Variants in POLN observed in about 807,000 individuals in gnomAD.
POLN encodes DNA polymerase nu.
POLN carries 108 observed loss-of-function variants against 113.5 expected under a neutral mutation model. The ratio of observed to expected loss-of-function variants is 0.95; its 90% CI spans 0.81 to 1.12. The LOEUF is 1.12. Among genes scored for constraint, POLN ranks in the 50% most tolerant of loss-of-function variants. The pLI is 0.00. For synonymous variants in POLN, 386 were observed against 391.5 expected, an observed-to-expected ratio of 0.99 and a Z score of 0.17; for missense variants, 1,097 against 1,077.1, an observed-to-expected ratio of 1.02 and a Z score of -0.26.
chr4:2,104,919 A>C (rs1228620719), intron 19 of POLN, among the ~76,000 whole-genome samples: 4 of 152,220 alleles, frequency 2.6e-5, no homozygotes, highest in Non-Finnish European at 5.9e-5. Flanking sequence ...AGGGAATCAG[A>C]CTGGCTCCCT....
chr4:2,177,242 C>T (rs1470007645), intron 8 of POLN: 1 of 463,996 alleles, frequency 2.2e-6, no homozygotes, highest in South Asian at 1.6e-5. Context: ...TGGTATGGCA[C>T]AGCTGCACGA....
At chr4:2,082,579 C>T (rs1216096131) in intron 21 of POLN, 1 of 152,226 alleles carries the variant, frequency 6.6e-6, no homozygotes, top group East Asian at 1.9e-4. Flanking sequence ...TCTGCTTTAA[C>T]TAGGTGTGGG....
Position 2,170,675 on chromosome 4 carries a change from T to G in POLN, c.1554+4A>C. 6.2e-7 allele frequency: 1 copy of G among 1,609,914 alleles called. No homozygotes were observed. Among genetic ancestry groups the G allele is most frequent in the Non-Finnish European group, 8.5e-7 (1 of 1,176,352 alleles). On this transcript the variant is annotated splice_donor_region_variant and intron_variant, in intron 13 of 25. Transcript: ENST00000511885. ...AAAGAAAAAGGATAACTCTGAAACC[T>G]TACCACTGCTTCTGATGTAGACGGG...
At chr4:2,188,427 C>T (rs1249988143) in intron 7 of POLN, among the ~76,000 whole-genome samples, 1 of 152,048 alleles carries the variant, frequency 6.6e-6, no homozygotes, top group African/African-American at 2.4e-5. Context: ...AGTGAAACCC[C>T]ATCTCTACTA....
intron 23 of POLN, chr4:2,078,569 C>G (rs866817154): frequency 1.0e-6 from 1 of 985,116 alleles, no homozygotes. Flanking sequence ...GTGTGCCTCC[C>G]AGTGATCGAG....
At chr4:2,182,335 G>T (rs968543087) in intron 7 of POLN, among the ~76,000 whole-genome samples, 13 of 152,304 alleles carry the variant, frequency 8.5e-5, no homozygotes, top group Non-Finnish European at 1.9e-4. Context: ...CCAATGATGG[G>T]TGTCCTTATG....
chr4:2,081,665 G>C lies in POLN; in HGVS notation c.2276C>G (p.Ala759Gly). Residue 759 changes from alanine to glycine, a missense_variant, in exon 22 of 26, where the codon GCA (alanine) becomes GGA (glycine). Transcript: ENST00000511885. ...HAHDQQLRAQ[A>G]ERQAVNFVVQ... ...CACGAAGTTCACTGCCTGTCGCTCTGCTTGTGCCCGGAGTTGCTGGTCATG... is the reference window on the plus strand; with the variant it reads ...CACGAAGTTCACTGCCTGTCGCTCTCCTTGTGCCCGGAGTTGCTGGTCATG... The C allele has an allele frequency of 1.2e-6, 2 of 1,614,196 alleles. No individual in the cohort carries two copies. The highest frequency in any genetic ancestry group is 8.5e-7 in the Non-Finnish European group (1 of 1,180,040).
intron 13 of POLN, among the ~76,000 whole-genome samples, chr4:2,170,074 T>A (rs112950656): frequency 3.3e-4 from 50 of 152,360 alleles, no homozygotes; most frequent in African/African-American, 1.2e-3. Flanking sequence ...CAAAGTCGAA[T>A]GCTGGACAGA....
chr4:2,092,661 T>C (rs1489886445), intron 20 of POLN, among the ~76,000 whole-genome samples: 2 of 152,250 alleles, frequency 1.3e-5, no homozygotes, highest in African/African-American at 4.8e-5. Flanking sequence ...AATAGTCATG[T>C]CACCGATTTC....
chr4:2,148,706 A>G (rs1055229465), intron 16 of POLN, among the ~76,000 whole-genome samples: 6 of 152,108 alleles, frequency 3.9e-5, no homozygotes, highest in East Asian at 1.9e-4. Context: ...ATAATCACCA[A>G]TAAATTTTCA....
intron 2 of POLN, chr4:2,240,877 C>T (rs1341696037): frequency 6.2e-7 from 1 of 1,610,184 alleles, no homozygotes; most frequent in Admixed American, 1.7e-5. Flanking sequence ...AAGTCTTCTC[C>T]ATTAAGATTA....
chr4:2,137,619 C>T (rs79132993), intron 16 of POLN, among the ~76,000 whole-genome samples: 4,070 of 152,244 alleles, frequency 0.027, 182 homozygotes, highest in African/African-American at 0.093. Flanking sequence ...TCCTGATACA[C>T]TCCCGTGGCC....
At chr4:2,157,793 T>TATG in intron 15 of POLN, 65 bp downstream of exon 15, 1 of 940,832 alleles carries the variant, frequency 1.1e-6, no homozygotes, top group South Asian at 1.7e-5. Context: ...AAAGGTTCTA[T>TATG]ATGTATCTGA....
chr4:2,222,695 C>CT (rs1314577025), intron 3 of POLN, among the ~76,000 whole-genome samples: 3,603 of 129,146 alleles, frequency 0.028, 104 homozygotes, highest in African/African-American at 0.067. Context: ...CACCCACGGC[C>CT]TTTTTTTTTT....
At chr4:2,210,410 C>T (rs1733960516) in intron 4 of POLN, among the ~76,000 whole-genome samples, 1 of 151,042 alleles carries the variant, frequency 6.6e-6, no homozygotes, top group African/African-American at 2.4e-5. Context: ...AAAACCCTGT[C>T]CTTTTACAAA....
chr4:2,096,938 G>A (rs569909659), intron 19 of POLN, among the ~76,000 whole-genome samples: 5 of 152,250 alleles, frequency 3.3e-5, no homozygotes, highest in East Asian at 3.9e-4. Context: ...AGCTCTCTGC[G>A]CATGTATGGT....
At chr4:2,095,432 T>A (rs1730762343) in intron 20 of POLN, among the ~76,000 whole-genome samples, 1 of 152,224 alleles carries the variant, frequency 6.6e-6, no homozygotes, top group South Asian at 2.1e-4. Flanking sequence ...CTGGGTGAGC[T>A]CTGCCCTAGG....
In POLN at chr4:2,144,710, G is replaced by A. The variant is rs981085366; in HGVS notation, c.1731+12078C>T. On this transcript the variant is annotated intron_variant, in intron 16 of 25. Coordinates refer to ENST00000511885, the MANE Select transcript of POLN (RefSeq NM_181808.4). Reference sequence around the variant, plus strand: ...AATCCGTTAGCTGTATTTAGCACTCGATAACTAAGATGTAAGTCCCTGGTT... The same window carrying A: ...AATCCGTTAGCTGTATTTAGCACTCAATAACTAAGATGTAAGTCCCTGGTT... Among the ~76,000 whole-genome samples the A allele has an allele frequency of 4.6e-5, 7 of 152,200 alleles. No individual in the cohort carries two copies. In the South Asian group the frequency reaches 1.0e-3, roughly 23 times the overall value.
At chr4:2,179,616 T>C in intron 7 of POLN, 151 bp from the exon 8 acceptor site, 1 of 864,130 alleles carries the variant, frequency 1.2e-6, no homozygotes, top group Non-Finnish European at 1.8e-6. Flanking sequence ...TCCATTATTC[T>C]CCAGAATTTA....
Sources: allele counts gnomAD v4.1 joint callset (sites outside exome capture counted in the v4.1 genomes callset), GRCh38; gene constraint gnomAD v4.1.1; transcripts MANE v1.5; gene names NCBI Gene and HGNC (gene_info 2026-07-23, HGNC 2026-07-21).